GRM7: variants seen among roughly 807,000 people sequenced by gnomAD.
The protein encoded by GRM7 is glutamate metabotropic receptor 7.
Under a neutral mutation model 84.5 loss-of-function variants are expected in GRM7, and 35 were observed. That is an observed-to-expected ratio of 0.41 (90% CI 0.32 to 0.55). The LOEUF is 0.55. GRM7 is among the 20% of genes least tolerant of loss of function. The probability of loss-of-function intolerance (pLI) is 0.19; values close to 1 mark genes in which losing one functional copy is unlikely to be tolerated. For missense variants in GRM7, 1,003 were observed against 1,194.6 expected (o/e 0.84, Z 2.36); for synonymous variants, 487 against 455.1 (o/e 1.07, Z -0.89).
At chr3:7,330,959 C>T (rs916829777) in intron 4 of GRM7, among the ~76,000 whole-genome samples, 2 of 152,154 alleles carry the variant, frequency 1.3e-5, no homozygotes, top group Non-Finnish European at 2.9e-5. Context: ...TTCAGAGAGG[C>T]ATCTCATGAA....
intron 2 of GRM7, among the ~76,000 whole-genome samples, chr3:7,265,844 C>T (rs1033808594): frequency 2.0e-5 from 3 of 152,188 alleles, no homozygotes; most frequent in Admixed American, 1.3e-4. Flanking sequence ...CCACAAATGG[C>T]CCTGCTGAGG....
intron 1 of GRM7, among the ~76,000 whole-genome samples, chr3:7,014,341 A>AT (rs1695489041): frequency 6.6e-6 from 1 of 151,932 alleles, no homozygotes; most frequent in Non-Finnish European, 1.5e-5. Context: ...CATTTTATTT[A>AT]TTTTTTAATA....
intron 1 of GRM7, among the ~76,000 whole-genome samples, chr3:6,890,604 T>C (rs1391610939): frequency 2.0e-5 from 3 of 152,210 alleles, no homozygotes; most frequent in African/African-American, 7.2e-5. Context: ...AGACAGTTTG[T>C]TGTAATTTCT....
chr3:7,123,637 G>A (rs1693299003), intron 1 of GRM7, among the ~76,000 whole-genome samples: 1 of 151,668 alleles, frequency 6.6e-6, no homozygotes, highest in Non-Finnish European at 1.5e-5. Flanking sequence ...AAAAAAAAAA[G>A]TGGGATGCAT....
chr3:7,013,560 TTTTC>T (rs1559384101), intron 1 of GRM7, among the ~76,000 whole-genome samples: 1 of 152,190 alleles, frequency 6.6e-6, no homozygotes, highest in Non-Finnish European at 1.5e-5. Flanking sequence ...GCTTTTATAA[TTTTC>T]TTTAAGTACA....
intron 7 of GRM7, chr3:7,519,863 C>G (rs1700529013): frequency 6.6e-6 from 1 of 152,432 alleles, no homozygotes; most frequent in African/African-American, 2.4e-5. Context: ...GCTTCATTCA[C>G]TCACTGGGCT....
chr3:6,884,452 T>A (rs1695619875), intron 1 of GRM7: 1 of 152,296 alleles, frequency 6.6e-6, no homozygotes, highest in Non-Finnish European at 1.5e-5. Flanking sequence ...AGGACAGTTT[T>A]AAATATTTTA....
At chr3:7,580,708 T>C (rs1341895742) in intron 8 of GRM7, among the ~76,000 whole-genome samples, 1 of 152,184 alleles carries the variant, frequency 6.6e-6, no homozygotes. Context: ...GTTTTAGTCA[T>C]AAAGTATTTT....
intron 1 of GRM7, among the ~76,000 whole-genome samples, chr3:6,959,850 G>T: frequency 6.6e-6 from 1 of 152,182 alleles, no homozygotes; most frequent in Admixed American, 6.5e-5. Context: ...TGGGAGGTTA[G>T]TTTTTTTCAC....
At chr3:6,998,326 A>G (rs1694897908) in intron 1 of GRM7, among the ~76,000 whole-genome samples, 1 of 152,130 alleles carries the variant, frequency 6.6e-6, no homozygotes, top group Non-Finnish European at 1.5e-5. Flanking sequence ...CTGATGCAAG[A>G]GGTGGGCTGT....
chr3:7,010,546 G>C (rs1695335203), intron 1 of GRM7, among the ~76,000 whole-genome samples: 1 of 152,170 alleles, frequency 6.6e-6, no homozygotes, highest in Non-Finnish European at 1.5e-5. Flanking sequence ...GACATTGCCT[G>C]GGGACAGTGA....
chr3:7,661,716 C>T (rs894956089), intron 8 of GRM7, among the ~76,000 whole-genome samples: 3 of 136,604 alleles, frequency 2.2e-5, no homozygotes, highest in African/African-American at 8.0e-5. Flanking sequence ...ATGGGGTGAA[C>T]TCGGGAGGCA....
chr3:7,225,291 T>A (rs1034602763), intron 2 of GRM7, among the ~76,000 whole-genome samples: 1 of 150,988 alleles, frequency 6.6e-6, no homozygotes, highest in Admixed American at 6.6e-5. Context: ...TATGTGACTA[T>A]ATCATTTTCA....
At chr3:7,258,222 C>T (rs960084018) in intron 2 of GRM7, among the ~76,000 whole-genome samples, 6 of 152,092 alleles carry the variant, frequency 3.9e-5, no homozygotes, top group Non-Finnish European at 8.8e-5. Flanking sequence ...TCTACCACTG[C>T]CCCATTTCTT....
chr3:7,598,019 A>G (rs1696133393), intron 8 of GRM7, among the ~76,000 whole-genome samples: 1 of 152,156 alleles, frequency 6.6e-6, no homozygotes, highest in Non-Finnish European at 1.5e-5. Flanking sequence ...TCTCAGGAAG[A>G]CAAAAGGACC....
At chr3:7,057,965 C>T (rs1344830142) in intron 1 of GRM7, among the ~76,000 whole-genome samples, 3 of 151,862 alleles carry the variant, frequency 2.0e-5, no homozygotes, top group Non-Finnish European at 4.4e-5. Flanking sequence ...ATGTGGTTTT[C>T]GGTTCTTAGG....
At chr3:6,901,346 TC>T (rs1344516946) in intron 1 of GRM7, among the ~76,000 whole-genome samples, 1 of 152,140 alleles carries the variant, frequency 6.6e-6, no homozygotes, top group African/African-American at 2.4e-5. Context: ...ACGCCTGTAA[TC>T]CCAGTACTTT....
At chr3:7,209,333 C>G (rs1696344608) in intron 2 of GRM7, among the ~76,000 whole-genome samples, 1 of 151,932 alleles carries the variant, frequency 6.6e-6, no homozygotes, top group South Asian at 2.1e-4. Flanking sequence ...CAAGAAAGAC[C>G]AATGCCTGGA....
intron 9 of GRM7, among the ~76,000 whole-genome samples, chr3:7,725,755 C>T (rs1702102439): frequency 6.6e-6 from 1 of 152,172 alleles, no homozygotes; most frequent in Non-Finnish European, 1.5e-5. Flanking sequence ...AGTCCATTAC[C>T]TGGCTGGGGC....
Sources: gnomAD v4.1 joint callset for allele counts (sites outside exome capture counted in the v4.1 genomes callset) on GRCh38, gnomAD v4.1.1 for gene constraint, MANE v1.5 for transcripts, NCBI Gene and HGNC (gene_info 2026-07-23, HGNC 2026-07-21) for gene names.